The following ASPH variants were observed in gnomAD, a reference collection of about 807,000 sequenced individuals.
ASPH encodes aspartate beta-hydroxylase, also known as aspartyl/asparaginyl beta-hydroxylase.
Under a neutral mutation model 118.4 loss-of-function variants are expected in ASPH, and 100 were observed. The ratio of observed to expected loss-of-function variants is 0.84; its 90% CI spans 0.72 to 1.00. The LOEUF is 1.00. Ranked by LOEUF, ASPH falls within the 50% of genes least tolerant of loss-of-function variation. The probability of loss-of-function intolerance (pLI) is 0.00; values close to 1 mark genes in which losing one functional copy is unlikely to be tolerated. For missense variants in ASPH, 920 were observed against 919.5 expected, an observed-to-expected ratio of 1.00 and a Z score of -0.01; for synonymous variants, 315 against 325.6, an observed-to-expected ratio of 0.97 and a Z score of 0.35.
intron 24 of ASPH, among the ~76,000 whole-genome samples, chr8:61,508,396 A>T (rs1296135925): frequency 6.6e-6 from 1 of 152,176 alleles, no homozygotes; most frequent in East Asian, 1.9e-4. Flanking sequence ...TCGTCCTAAG[A>T]TAAAACAGTA....
rs536840551 is a variant in ASPH at position 61,635,874 on chromosome 8, C to T, written c.889+2073G>A. On this transcript the variant is annotated intron_variant, in intron 12 of 24. Coordinates refer to ENST00000379454, the MANE Select transcript of ASPH (RefSeq NM_004318.4). ...CTAACAGGGTGTTTCGCTCTGCTTC[C>T]GTTCTTGCTCCATTCAATCTAGTGA... is the stretch of plus-strand genomic sequence containing the variant. Among the ~76,000 whole-genome samples, 68 of 152,232 alleles carry T rather than the reference C, an allele frequency of 4.5e-4. 1 individual carries two copies. The Middle Eastern group carries it at 0.031, about 69-fold the overall frequency.
chr8:61,521,259 C>T lies in ASPH; in HGVS notation c.1901-3136G>A, dbSNP rs971527270. 3.3e-5 allele frequency among the ~76,000 whole-genome samples: 5 copies of T among 152,310 alleles called. No individual in the cohort carries two copies. The South Asian group carries it at 1.0e-3, about 32-fold the overall frequency. On this transcript the variant is annotated intron_variant, in intron 22 of 24. Coordinates refer to ENST00000379454, the MANE Select transcript of ASPH (RefSeq NM_004318.4). The stretch of plus-strand genomic sequence containing the variant: ...AGCCAGACTGGACCCAGTGTTCATG[C>T]TCTTAACCAGACCAGAGACCACCTC...
At position 61,705,986 on chromosome 8, in the gene ASPH, A is replaced by T. The variant is rs568647406; in HGVS notation, c.103+8283T>A. 1.0e-3 allele frequency among the ~76,000 whole-genome samples: 152 copies of T among 152,354 alleles called. 1 individual carries two copies. Among genetic ancestry groups the T allele is most frequent in the African/African-American group, 3.4e-3 (143 of 41,596 alleles). On this transcript the variant is annotated intron_variant, in intron 1 of 24. Coordinates refer to ENST00000379454, the MANE Select transcript of ASPH (RefSeq NM_004318.4). ...TACAGAACTCTTTCAATTTGGATAC[A>T]TATTTTTTAAGTTTCATTAAAAAAT...
chr8:61,574,310 A>G (rs766295404), intron 16 of ASPH, among the ~76,000 whole-genome samples: 3 of 152,242 alleles, frequency 2.0e-5, no homozygotes, highest in Non-Finnish European at 1.5e-5. Context: ...AGGATCTAGA[A>G]CAAGAAATAC....
At chr8:61,599,130 A>C (rs1843205813) in intron 14 of ASPH, among the ~76,000 whole-genome samples, 1 of 152,304 alleles carries the variant, frequency 6.6e-6, no homozygotes, top group South Asian at 2.1e-4. Flanking sequence ...AGAAAGAAAC[A>C]AACAATAAAG....
chr8:61,512,735 T>C (rs1271406343), intron 24 of ASPH, among the ~76,000 whole-genome samples: 1 of 152,200 alleles, frequency 6.6e-6, no homozygotes, highest in Non-Finnish European at 1.5e-5. Flanking sequence ...GCCATAAGCA[T>C]GAATCAGTTA....
chr8:61,712,425 G>C (rs1316131317), intron 1 of ASPH, among the ~76,000 whole-genome samples: 2 of 152,174 alleles, frequency 1.3e-5, no homozygotes, highest in African/African-American at 2.4e-5. Flanking sequence ...AAAAAGAAAA[G>C]GTTGCGGATA....
intron 13 of ASPH, among the ~76,000 whole-genome samples, chr8:61,622,194 TG>T (rs1174692281): frequency 6.6e-6 from 1 of 151,988 alleles, no homozygotes; most frequent in East Asian, 1.9e-4. Flanking sequence ...AAAAATTAGC[TG>T]GGCGTGGTGG....
chr8:61,612,065 C>T (rs537685927), intron 14 of ASPH, among the ~76,000 whole-genome samples: 1 of 149,338 alleles, frequency 6.7e-6, no homozygotes, highest in Admixed American at 6.7e-5. Context: ...CAGCTGCCTG[C>T]CATTGTGCCC....
In ASPH at chr8:61,583,947, T is replaced by C. The variant is rs1443450245; in HGVS notation, c.1059A>G (p.Lys353=). The change falls in exon 15 of 25, where the codon AAA becomes AAG. Residue 353 remains lysine (K), a synonymous_variant. Transcript: ENST00000379454. Reference sequence around the variant, plus strand: ...TGCACAAAAAATATCAACCTACCCTTTTACGGAGTTTTTCTGCAGCATCAA... The same window carrying C: ...TGCACAAAAAATATCAACCTACCCTCTTACGGAGTTTTTCTGCAGCATCAA... ...AELDAAEKLR[K]RGKIEEAVNA... 3.8e-6 allele frequency: 6 copies of C among 1,576,162 alleles called. No individual in the cohort carries two copies. Among genetic ancestry groups the C allele is most frequent in the Non-Finnish European group, 5.2e-6 (6 of 1,156,208 alleles).
intron 3 of ASPH, among the ~76,000 whole-genome samples, chr8:61,673,600 T>G (rs1823716462): frequency 6.6e-6 from 1 of 152,196 alleles, no homozygotes; most frequent in South Asian, 2.1e-4. Flanking sequence ...ATTAATGGGA[T>G]ATGATTTTGC....
intron 3 of ASPH, chr8:61,657,262 C>CA (rs1382218007): frequency 6.6e-6 from 1 of 152,114 alleles, no homozygotes; most frequent in Non-Finnish European, 1.5e-5. Context: ...TAGGGAACTG[C>CA]AAGTTCAGTC....
intron 17 of ASPH, among the ~76,000 whole-genome samples, chr8:61,564,875 C>G (rs1377636458): frequency 3.3e-5 from 5 of 152,166 alleles, no homozygotes; most frequent in Non-Finnish European, 5.9e-5. Flanking sequence ...TCTATAGGAG[C>G]CTCCCCTAAG....
chr8:61,624,254 T>G (rs1851951278), intron 13 of ASPH: 1 of 985,300 alleles, frequency 1.0e-6, no homozygotes, highest in African/African-American at 1.7e-5. Flanking sequence ...TGGAGCAGGC[T>G]GTCCAGGGAA....
At chr8:61,676,620 T>C (rs545332517) in intron 3 of ASPH, among the ~76,000 whole-genome samples, 17 of 151,862 alleles carry the variant, frequency 1.1e-4, no homozygotes, top group Non-Finnish European at 2.1e-4. Flanking sequence ...CAAAAATCAA[T>C]GGACAGTAAT....
intron 14 of ASPH, chr8:61,607,469 T>C (rs567784480): frequency 3.5e-6 from 2 of 570,012 alleles, no homozygotes; most frequent in South Asian, 4.4e-5. Context: ...ATTTATAATT[T>C]GAAATGAGTT....
intron 13 of ASPH, among the ~76,000 whole-genome samples, chr8:61,619,929 G>A (rs1365434659): frequency 6.6e-6 from 1 of 152,186 alleles, no homozygotes; most frequent in Non-Finnish European, 1.5e-5. Context: ...ACCAGACTCT[G>A]TCCTCTCCCA....
intron 5 of ASPH, among the ~76,000 whole-genome samples, chr8:61,647,684 A>C (rs1042417519): frequency 6.6e-6 from 1 of 152,160 alleles, no homozygotes; most frequent in South Asian, 2.1e-4. Flanking sequence ...ATAAATAAAT[A>C]AATAAATTAA....
At chr8:61,624,955 G>C in intron 13 of ASPH, 12 of 984,914 alleles carry the variant, frequency 1.2e-5, no homozygotes, top group Non-Finnish European at 1.4e-5. Flanking sequence ...TACCCATGCA[G>C]GACTCACTAC....
Sources: gnomAD v4.1 joint callset for allele counts (sites outside exome capture counted in the v4.1 genomes callset) on GRCh38, gnomAD v4.1.1 for gene constraint, MANE v1.5 for transcripts, NCBI Gene and HGNC (gene_info 2026-07-23, HGNC 2026-07-21) for gene names.